ADGRV1: variants seen among roughly 807,000 people sequenced by gnomAD.
ADGRV1 encodes the protein adhesion G protein-coupled receptor V1.
ADGRV1 carries 359 observed loss-of-function variants against 596.2 expected under a neutral mutation model. The ratio of observed to expected loss-of-function variants is 0.60; its 90% CI spans 0.55 to 0.66. ADGRV1 has a LOEUF of 0.66. ADGRV1 is among the 30% of genes least tolerant of loss of function. The pLI is 0.00. For missense variants in ADGRV1, 7,274 were observed against 7,575.6 expected (o/e 0.96, Z 1.48); for synonymous variants, 2,681 against 2,679.2 (o/e 1.00, Z -0.02).
chr5:90,597,351 C>T (rs1203534679), intron 1 of ADGRV1, among the ~76,000 whole-genome samples: 1 of 152,108 alleles, frequency 6.6e-6, no homozygotes, highest in Non-Finnish European at 1.5e-5. Flanking sequence ...TTCTTTTAGG[C>T]CTACTTAGGG....
chr5:90,608,629 C>T (rs1246462222), intron 1 of ADGRV1, among the ~76,000 whole-genome samples: 2 of 152,058 alleles, frequency 1.3e-5, no homozygotes, highest in Non-Finnish European at 2.9e-5. Context: ...CATACAAGAC[C>T]TAAAACATTT....
At chr5:91,036,537 G>A (rs2151255525) in intron 85 of ADGRV1, among the ~76,000 whole-genome samples, 1 of 151,668 alleles carries the variant, frequency 6.6e-6, no homozygotes, top group South Asian at 2.1e-4. Context: ...ACTCTAGCCT[G>A]GGCGACAAAG....
intron 50 of ADGRV1, among the ~76,000 whole-genome samples, chr5:90,730,794 C>G (rs890388969): frequency 3.9e-5 from 6 of 152,152 alleles, no homozygotes; most frequent in Admixed American, 1.3e-4. Flanking sequence ...GAGACACAGA[C>G]AGTGGGTCAT....
intron 25 of ADGRV1, 103 bp from the exon 26 acceptor site, chr5:90,679,446 T>G (rs1330433831): frequency 1.5e-6 from 1 of 682,104 alleles, no homozygotes; most frequent in Non-Finnish European, 2.6e-6. Context: ...TGGGTGAATA[T>G]TACTGCATTT....
chr5:90,628,249 A>ATAAAATAAAATAAAG (rs1765053423), intron 7 of ADGRV1, among the ~76,000 whole-genome samples: 1 of 147,712 alleles, frequency 6.8e-6, no homozygotes. Flanking sequence ...ATAAAATAAA[A>ATAAAATAAAATAAAG]TAAAATAAAA....
intron 83 of ADGRV1, among the ~76,000 whole-genome samples, chr5:90,923,851 G>T (rs1000207279): frequency 6.8e-6 from 1 of 147,302 alleles, no homozygotes; most frequent in African/African-American, 2.5e-5. Context: ...TCATTGTTCA[G>T]TTCCCAGCTA....
chr5:90,728,581 A>C (rs1752104999), intron 48 of ADGRV1, 88 bp from the exon 49 acceptor site: 3 of 1,091,710 alleles, frequency 2.7e-6, no homozygotes, highest in Non-Finnish European at 4.0e-6. Flanking sequence ...AAAAGGATCC[A>C]AGAGAGTAAA....
At chr5:90,619,064 T>C (rs1330081391) in intron 3 of ADGRV1, 22 bp from the exon 4 acceptor site, 1 of 1,152,322 alleles carries the variant, frequency 8.7e-7, no homozygotes, top group Non-Finnish European at 1.2e-6. Flanking sequence ...TTCATTATTT[T>C]ATTTTTGGGA....
chr5:90,749,235 A>T lies in ADGRV1; in HGVS notation c.10975-1316A>T, dbSNP rs1043983342. On this transcript the variant is annotated intron_variant, in intron 52 of 89. Transcript: ENST00000405460. ...TTCAATCTGTTCAGTAGAATTCTTC[A>T]TTACAGGTCTTTGATGTCTGGACAA... Among the ~76,000 whole-genome samples the T allele has an allele frequency of 3.9e-4, 59 of 152,212 alleles. 1 individual carries two copies. The highest frequency in any genetic ancestry group is 6.5e-5 in the Admixed American group (1 of 15,274).
At chr5:90,975,137 A>G (rs1006099965) in intron 84 of ADGRV1, among the ~76,000 whole-genome samples, 5 of 151,788 alleles carry the variant, frequency 3.3e-5, no homozygotes, top group Admixed American at 6.6e-5. Flanking sequence ...AATGGAAATC[A>G]AAACCACAAT....
At chr5:91,113,456 A>G (rs762365757) in intron 87 of ADGRV1, among the ~76,000 whole-genome samples, 1 of 152,224 alleles carries the variant, frequency 6.6e-6, no homozygotes, top group Non-Finnish European at 1.5e-5. Context: ...CAAATTGAAT[A>G]TAGGCAGACC....
At chr5:90,702,602 G>A (rs1748044609) in intron 34 of ADGRV1, among the ~76,000 whole-genome samples, 1 of 151,786 alleles carries the variant, frequency 6.6e-6, no homozygotes, top group African/African-American at 2.4e-5. Flanking sequence ...TAAAAAATGT[G>A]GCGGTTTAAA....
intron 83 of ADGRV1, among the ~76,000 whole-genome samples, chr5:90,879,885 A>G (rs1385672053): frequency 6.6e-6 from 1 of 152,112 alleles, no homozygotes; most frequent in Non-Finnish European, 1.5e-5. Flanking sequence ...TAGGAGGCAG[A>G]GGTTGCTGTG....
intron 29 of ADGRV1, among the ~76,000 whole-genome samples, chr5:90,686,265 C>T (rs1745630035): frequency 6.6e-6 from 1 of 151,364 alleles, no homozygotes; most frequent in Non-Finnish European, 1.5e-5. Context: ...GCACAACGTG[C>T]AGGTTAGTTA....
In ADGRV1 at chr5:90,783,836, A is replaced by T; in HGVS notation, c.13434-2A>T. ...ACAGAATTGCTCCTTCTTGCCATGC[A>T]GTGAATTTGAGGAGCCCATTGAAAT... On this transcript the variant is annotated splice_acceptor_variant, in intron 66 of 89. Coordinates refer to ENST00000405460, the MANE Select transcript of ADGRV1 (RefSeq NM_032119.4). LOFTEE classifies it high-confidence loss of function. The T allele has an allele frequency of 6.3e-7, 1 of 1,598,114 alleles. No homozygotes were observed. The highest frequency in any genetic ancestry group is 8.5e-7 in the Non-Finnish European group (1 of 1,171,642).
chr5:90,889,973 T>G (rs1770655535), intron 83 of ADGRV1, among the ~76,000 whole-genome samples: 1 of 152,152 alleles, frequency 6.6e-6, no homozygotes, highest in Admixed American at 6.6e-5. Context: ...CCTTTGCCCA[T>G]TCCAGCTGCT....
At chr5:91,060,543 T>A (rs896241679) in intron 85 of ADGRV1, among the ~76,000 whole-genome samples, 27 of 152,228 alleles carry the variant, frequency 1.8e-4, no homozygotes, top group African/African-American at 6.0e-4. Context: ...GTTTTCTTAA[T>A]AATTGAAAGT....
chr5:90,635,850 C>T (rs1293988927), intron 10 of ADGRV1, among the ~76,000 whole-genome samples: 1 of 151,530 alleles, frequency 6.6e-6, no homozygotes, highest in East Asian at 1.9e-4. Flanking sequence ...CTCCCTTGGC[C>T]TTCCAAAGTA....
chr5:90,777,232 C>CT (rs1758343107), intron 61 of ADGRV1, among the ~76,000 whole-genome samples: 3 of 152,150 alleles, frequency 2.0e-5, no homozygotes, highest in Admixed American at 2.0e-4. Flanking sequence ...ACAACCAGAT[C>CT]TTGTGAGAAC....
Sources: allele counts gnomAD v4.1 joint callset (sites outside exome capture counted in the v4.1 genomes callset), GRCh38; gene constraint gnomAD v4.1.1; transcripts MANE v1.5; gene names NCBI Gene and HGNC (gene_info 2026-07-23, HGNC 2026-07-21).